RASA2: variants seen among roughly 807,000 people sequenced by gnomAD.
RASA2 encodes RAS p21 protein activator 2, also known as ras GTPase-activating protein 2.
Under a neutral mutation model 118.2 loss-of-function variants are expected in RASA2, and 155 were observed. That is an observed-to-expected ratio of 1.31 (90% CI 1.15 to 1.50). The LOEUF is 1.50. RASA2 is among the 40% of genes most tolerant of loss of function. RASA2 has a pLI of 0.00. For synonymous variants in RASA2, 353 were observed against 349.1 expected, an observed-to-expected ratio of 1.01 and a Z score of -0.12; for missense variants, 1,016 against 1,009.6, an observed-to-expected ratio of 1.01 and a Z score of -0.09.
At position 141,609,957 on chromosome 3, in the gene RASA2, G is replaced by C. The variant is rs750321951; in HGVS notation, c.2410G>C (p.Val804Leu). The change falls in exon 23 of 24, where the codon GTA (valine) becomes CTA (leucine). Residue 804 changes from valine to leucine, a missense_variant. By Grantham distance (32) the Val-to-Leu change is conservative. Transcript: ENST00000286364. ...TTCTAACTTTGTAATCGAGGATTCT[G>C]TAACAACCTTTAAGACAATTCAGCA... Reference protein sequence around the residue: ...DYSNFVIEDSVTTFKTIQQIK... With the variant: ...DYSNFVIEDSLTTFKTIQQIK... 1.2e-6 allele frequency: 2 copies of C among 1,607,280 alleles called. No individual in the cohort carries two copies. Among genetic ancestry groups the C allele is most frequent in the South Asian group, 1.1e-5 (1 of 89,652 alleles).
intron 3 of RASA2, among the ~76,000 whole-genome samples, chr3:141,520,011 CT>C (rs559634060): frequency 0.14 from 15,239 of 109,580 alleles, 1,204 homozygotes; most frequent in African/African-American, 0.29. Flanking sequence ...TTCTTTTTCT[CT>C]TTTTTTTTTT....
intron 1 of RASA2, among the ~76,000 whole-genome samples, chr3:141,497,573 G>C (rs9844194): frequency 6.6e-6 from 1 of 151,854 alleles, no homozygotes; most frequent in East Asian, 1.9e-4. Context: ...TTTCTGTTAA[G>C]TTTTTTTGGT....
intron 3 of RASA2, among the ~76,000 whole-genome samples, chr3:141,523,667 C>A (rs571539214): frequency 2.0e-4 from 31 of 152,200 alleles, no homozygotes; most frequent in African/African-American, 7.0e-4. Flanking sequence ...AGAGCTCAAA[C>A]AAGTAAACTA....
chr3:141,520,118 A>T (rs1168616711), intron 3 of RASA2, among the ~76,000 whole-genome samples: 1 of 145,882 alleles, frequency 6.9e-6, no homozygotes, highest in African/African-American at 2.6e-5. Flanking sequence ...GGTTCAAGCG[A>T]TTCTCCTGCC....
intron 19 of RASA2, 179 bp downstream of exon 19, chr3:141,586,931 G>A (rs2083214322): frequency 1.5e-6 from 1 of 646,178 alleles, no homozygotes. Flanking sequence ...TGTATATTAT[G>A]TTTTTCTCAC....
At chr3:141,576,193 C>T (rs2083009188) in intron 14 of RASA2, among the ~76,000 whole-genome samples, 1 of 152,096 alleles carries the variant, frequency 6.6e-6, no homozygotes, top group Non-Finnish European at 1.5e-5. Flanking sequence ...AGTTTTGTTG[C>T]CATAAGTGTT....
intron 3 of RASA2, among the ~76,000 whole-genome samples, chr3:141,519,904 G>A (rs916103969): frequency 1.3e-5 from 2 of 151,568 alleles, no homozygotes; most frequent in Admixed American, 6.6e-5. Flanking sequence ...GATATGAACA[G>A]AATACTTAGA....
At chr3:141,588,178 C>G (rs928021985) in intron 19 of RASA2, among the ~76,000 whole-genome samples, 1 of 152,218 alleles carries the variant, frequency 6.6e-6, no homozygotes, top group African/African-American at 2.4e-5. Context: ...CCACATAAAT[C>G]AGCCTTATTT....
intron 15 of RASA2, among the ~76,000 whole-genome samples, chr3:141,579,997 A>G (rs1007883327): frequency 2.8e-5 from 4 of 145,020 alleles, no homozygotes; most frequent in Non-Finnish European, 6.0e-5. Flanking sequence ...TGGAGGTTAC[A>G]GTGAGCTGCG....
chr3:141,511,693 GAA>G (rs950187043), intron 1 of RASA2, among the ~76,000 whole-genome samples: 10 of 152,126 alleles, frequency 6.6e-5, no homozygotes, highest in African/African-American at 1.9e-4. Flanking sequence ...TGGAAGGTAA[GAA>G]GAGACAACGA....
At chr3:141,541,565 T>A (rs1462659169) in intron 5 of RASA2, among the ~76,000 whole-genome samples, 1 of 152,104 alleles carries the variant, frequency 6.6e-6, no homozygotes, top group Non-Finnish European at 1.5e-5. Context: ...TTCAGGAAGT[T>A]TAACATTGTT....
rs765749354 is a variant in RASA2 at position 141,609,400 on chromosome 3, T to C, written c.2226-20T>C. On this transcript the variant is annotated intron_variant, in intron 21 of 23. Transcript: ENST00000286364. ...AAATAAAATTTGTATAATATCTTTA[T>C]TTTTTTATTTTTACCATAGAGGTGT... is the stretch of plus-strand genomic sequence containing the variant. The C allele has an allele frequency of 7.1e-6, 10 of 1,415,512 alleles. No homozygotes were observed. The highest frequency in any genetic ancestry group is 9.6e-6 in the Non-Finnish European group (10 of 1,046,302). 87.7% of individuals were successfully genotyped at this position (1,415,512 alleles called of 1,614,324 possible).
chr3:141,580,467 T>A lies in RASA2; in HGVS notation c.1674+16T>A, dbSNP rs769778924. 1.1e-5 allele frequency: 17 copies of A among 1,548,206 alleles called. No individual in the cohort carries two copies. The African/African-American group carries it at 2.2e-4, about 20-fold the overall frequency. Reference sequence around the variant, plus strand: ...CAAAAGCAAGGTAAGTCCTTACATCTTTTATTTTGTTTTTACACTTCTAAA... The same window carrying A: ...CAAAAGCAAGGTAAGTCCTTACATCATTTATTTTGTTTTTACACTTCTAAA... On this transcript the variant is annotated intron_variant, in intron 16 of 23. Coordinates refer to ENST00000286364, the MANE Select transcript of RASA2 (RefSeq NM_006506.5).
At chr3:141,610,882 C>CT (rs1379103597) in intron 23 of RASA2, among the ~76,000 whole-genome samples, 1 of 151,988 alleles carries the variant, frequency 6.6e-6, no homozygotes, top group Non-Finnish European at 1.5e-5. Context: ...GATCCTCCTT[C>CT]TACAGTACAT....
intron 2 of RASA2, among the ~76,000 whole-genome samples, chr3:141,512,845 T>C (rs112097991): frequency 0.031 from 4,676 of 152,190 alleles, 237 homozygotes; most frequent in African/African-American, 0.1. Flanking sequence ...GGCAGATCAC[T>C]TGAGGTCAGA....
At chr3:141,601,152 G>A (rs1251673305) in intron 19 of RASA2, among the ~76,000 whole-genome samples, 4 of 152,188 alleles carry the variant, frequency 2.6e-5, no homozygotes, top group Non-Finnish European at 4.4e-5. Context: ...ATGGGGCCGG[G>A]CACAGTGGCT....
intron 5 of RASA2, among the ~76,000 whole-genome samples, chr3:141,541,827 A>C (rs2082409529): frequency 8.8e-5 from 13 of 147,786 alleles, no homozygotes. Flanking sequence ...TTTTTTTTTA[A>C]TGTTTCTCAA....
intron 5 of RASA2, among the ~76,000 whole-genome samples, chr3:141,544,397 C>CTT (rs894395511): frequency 3.3e-5 from 5 of 151,766 alleles, no homozygotes; most frequent in Non-Finnish European, 5.9e-5. Context: ...AATGTTAGGT[C>CTT]TTTTTTTTAC....
At position 141,595,619 on chromosome 3, in the gene RASA2, TTTTTTCTTTTTTC is replaced by T. The variant is rs530467839; in HGVS notation, c.1933+8886_1933+8898del. On this transcript the variant is annotated intron_variant, in intron 19 of 23. Coordinates refer to ENST00000286364, the MANE Select transcript of RASA2 (RefSeq NM_006506.5). Reference sequence around the variant, plus strand: ...CAATTCTAGTTGAATTTTTTTTTCTTTTTTTCTTTTTTCTTTTTCTTTTTTCTTTTTTTGAGAC... The same window carrying T: ...CAATTCTAGTTGAATTTTTTTTTCTTTTTTTCTTTTTTCTTTTTTTGAGAC... Among the ~76,000 whole-genome samples, 134 of 152,220 alleles carry T rather than the reference TTTTTTCTTTTTTC, an allele frequency of 8.8e-4. 1 individual carries two copies. The highest frequency in any genetic ancestry group is 3.4e-3 in the Middle Eastern group (1 of 294).
Sources: gnomAD v4.1 joint callset for allele counts (sites outside exome capture counted in the v4.1 genomes callset) on GRCh38, gnomAD v4.1.1 for gene constraint, MANE v1.5 for transcripts, NCBI Gene and HGNC (gene_info 2026-07-23, HGNC 2026-07-21) for gene names.